Variants in EML6 observed in about 807,000 individuals in gnomAD.
EML6 encodes the protein EMAP like 6, also known as echinoderm microtubule-associated protein-like 6.
Under a neutral mutation model 240.1 loss-of-function variants are expected in EML6, and 154 were observed. The ratio of observed to expected loss-of-function variants is 0.64; its 90% CI spans 0.56 to 0.73. The LOEUF is 0.73. EML6 is among the 30% of genes least tolerant of loss of function. The pLI is 0.00. For synonymous variants in EML6, 1,148 were observed against 899.0 expected (o/e 1.28, Z -4.95); for missense variants, 2,964 against 2,474.6 (o/e 1.20, Z -4.20).
chr2:54,857,296 G>T (rs1301884246), intron 11 of EML6, among the ~76,000 whole-genome samples: 1 of 150,694 alleles, frequency 6.6e-6, no homozygotes, highest in Non-Finnish European at 1.5e-5. Flanking sequence ...TTAAAGCCAT[G>T]GGGGAGGAGG....
intron 7 of EML6, among the ~76,000 whole-genome samples, chr2:54,830,897 G>A (rs1362543676): frequency 1.3e-5 from 2 of 152,162 alleles, no homozygotes; most frequent in Non-Finnish European, 2.9e-5. Context: ...ATACGTTTCT[G>A]AATACTAGGC....
chr2:54,806,612 C>CAAAAAAAAAAAAAAAAAAAAAAAAA (rs58185994), intron 2 of EML6, among the ~76,000 whole-genome samples: 15 of 52,862 alleles, frequency 2.8e-4, no homozygotes, highest in East Asian at 2.1e-3. Flanking sequence ...ACTCCGTCTC[C>CAAAAAAAAAAAAAAAAAAAAAAAAA]AAAAAAAAAA....
At chr2:54,905,754 T>C (rs575108093) in intron 24 of EML6, among the ~76,000 whole-genome samples, 2 of 152,330 alleles carry the variant, frequency 1.3e-5, no homozygotes, top group African/African-American at 4.8e-5. Context: ...GTAACCACTC[T>C]AGGTACCTCG....
At chr2:54,946,148 C>G (rs1675684948) in intron 28 of EML6, among the ~76,000 whole-genome samples, 1 of 152,190 alleles carries the variant, frequency 6.6e-6, no homozygotes, top group South Asian at 2.1e-4. Flanking sequence ...TGCCAGGCTC[C>G]CTCCTTAAAT....
At chr2:54,765,307 ATCT>A (rs1242008011) in intron 2 of EML6, among the ~76,000 whole-genome samples, 1 of 152,178 alleles carries the variant, frequency 6.6e-6, no homozygotes, top group Non-Finnish European at 1.5e-5. Flanking sequence ...ATAATTTTAA[ATCT>A]TCTTAAACAA....
At chr2:54,814,916 A>G (rs1193119089) in intron 3 of EML6, among the ~76,000 whole-genome samples, 28 of 152,200 alleles carry the variant, frequency 1.8e-4, no homozygotes, top group Non-Finnish European at 1.2e-4. Flanking sequence ...ACATAAAGAG[A>G]TAATAGCTGG....
At chr2:54,960,577 T>C (rs1031583653) in intron 35 of EML6, among the ~76,000 whole-genome samples, 1 of 152,226 alleles carries the variant, frequency 6.6e-6, no homozygotes, top group Admixed American at 6.5e-5. Context: ...CATGAGGTTT[T>C]TGTGAGGGTC....
intron 17 of EML6, chr2:54,882,871 A>AAAAAAAAGAAAAG (rs962733331): frequency 7.8e-6 from 1 of 128,790 alleles, no homozygotes; most frequent in African/African-American, 3.0e-5. Context: ...AAAAAAAAAA[A>AAAAAAAAGAAAAG]AAAGAAAGCT....
intron 32 of EML6, among the ~76,000 whole-genome samples, chr2:54,955,461 A>G (rs1297595643): frequency 1.3e-5 from 2 of 152,214 alleles, no homozygotes; most frequent in African/African-American, 4.8e-5. Context: ...GGCAGCCCAC[A>G]CGCTGTCAGA....
intron 28 of EML6, among the ~76,000 whole-genome samples, chr2:54,940,818 G>A (rs531029380): frequency 9.9e-4 from 151 of 152,310 alleles, no homozygotes; most frequent in Admixed American, 1.6e-3. Flanking sequence ...TGTAGTATCT[G>A]TCCTTCAGGA....
At chr2:54,846,394 T>C (rs1346862642) in intron 8 of EML6, among the ~76,000 whole-genome samples, 5 of 151,798 alleles carry the variant, frequency 3.3e-5, no homozygotes, top group Non-Finnish European at 5.9e-5. Flanking sequence ...TGTAGATATA[T>C]AGATATATAT....
chr2:54,822,123 CAA>C (rs1668361682), intron 5 of EML6, among the ~76,000 whole-genome samples: 1 of 152,042 alleles, frequency 6.6e-6, no homozygotes, highest in South Asian at 2.1e-4. Flanking sequence ...AGAAAACTGA[CAA>C]ATAGAAACAC....
intron 25 of EML6, among the ~76,000 whole-genome samples, chr2:54,913,280 C>T (rs1042214414): frequency 7.3e-5 from 11 of 150,212 alleles, no homozygotes; most frequent in African/African-American, 2.7e-4. Context: ...AAGGGTCTTG[C>T]TGTATCACCC....
intron 26 of EML6, among the ~76,000 whole-genome samples, chr2:54,922,489 G>T (rs80189155): frequency 0.21 from 31,271 of 151,986 alleles, 4,071 homozygotes; most frequent in East Asian, 0.5. Context: ...CGATATGGAG[G>T]TTCCTCAAAA....
intron 2 of EML6, among the ~76,000 whole-genome samples, chr2:54,766,550 A>G (rs1426330609): frequency 6.6e-6 from 1 of 152,150 alleles, no homozygotes; most frequent in Admixed American, 6.5e-5. Context: ...AATTTGTCCT[A>G]TTACTGGTAA....
chr2:54,751,345 T>G (rs1684155323), intron 2 of EML6, among the ~76,000 whole-genome samples: 1 of 152,148 alleles, frequency 6.6e-6, no homozygotes. Flanking sequence ...GAGCTTATCT[T>G]GGAGGACTCT....
chr2:54,955,284 A>G (rs1271664350), intron 32 of EML6, among the ~76,000 whole-genome samples: 2 of 152,176 alleles, frequency 1.3e-5, no homozygotes, highest in Non-Finnish European at 2.9e-5. Flanking sequence ...ATCTTAAATG[A>G]TAGACAGAGA....
intron 16 of EML6, among the ~76,000 whole-genome samples, chr2:54,876,593 A>G (rs1671519448): frequency 6.6e-6 from 1 of 152,276 alleles, no homozygotes; most frequent in South Asian, 2.1e-4. Flanking sequence ...TTCCAAGAAG[A>G]ACATAACTAC....
chr2:54,927,646 C>T (rs1674626001), intron 26 of EML6, among the ~76,000 whole-genome samples: 1 of 152,216 alleles, frequency 6.6e-6, no homozygotes, highest in African/African-American at 2.4e-5. Context: ...ACTCACATTC[C>T]ACCCTCCACC....
Sources: gnomAD v4.1 joint callset for allele counts (sites outside exome capture counted in the v4.1 genomes callset) on GRCh38, gnomAD v4.1.1 for gene constraint, MANE v1.5 for transcripts, NCBI Gene and HGNC (gene_info 2026-07-23, HGNC 2026-07-21) for gene names.